The following TAFA1 variants were observed in gnomAD, a reference collection of about 807,000 sequenced individuals.
The protein encoded by TAFA1 is TAFA chemokine like family member 1, also known as chemokine-like protein TAFA-1.
In TAFA1, 4 loss-of-function variants were observed where a neutral mutation model predicts 18.5. That is an observed-to-expected ratio of 0.22 (90% CI 0.11 to 0.49). The LOEUF (loss-of-function observed/expected upper bound fraction) is 0.49, where lower values mean the gene tolerates loss of function less well. TAFA1 is among the 20% of genes least tolerant of loss of function. TAFA1 has a pLI of 0.98. For missense variants in TAFA1, 147 were observed against 169.0 expected (o/e 0.87, Z 0.72); for synonymous variants, 56 against 55.2 (o/e 1.01, Z -0.06).
chr3:68,469,650 G>A (rs368209638), intron 3 of TAFA1, among the ~76,000 whole-genome samples: 129 of 152,278 alleles, frequency 8.5e-4, no homozygotes, highest in Middle Eastern at 3.4e-3. Flanking sequence ...TCCAGCCTGG[G>A]CAAGAGAGTG....
chr3:68,505,657 A>G (rs2072735801), intron 3 of TAFA1, among the ~76,000 whole-genome samples: 2 of 151,990 alleles, frequency 1.3e-5, no homozygotes, highest in Admixed American at 1.3e-4. Context: ...TTGCAGATGT[A>G]TGACTGGGGA....
intron 2 of TAFA1, among the ~76,000 whole-genome samples, chr3:68,346,889 T>A (rs2069172308): frequency 6.6e-6 from 1 of 152,188 alleles, no homozygotes; most frequent in African/African-American, 2.4e-5. Flanking sequence ...TAGCAGAGGC[T>A]AGAGGGCTGA....
intron 3 of TAFA1, among the ~76,000 whole-genome samples, chr3:68,421,513 A>C (rs1458675873): frequency 2.6e-5 from 4 of 152,144 alleles, no homozygotes; most frequent in Non-Finnish European, 4.4e-5. Flanking sequence ...AATTTCATAT[A>C]CCTGGATGGA....
chr3:68,477,660 C>T (rs182895576), intron 3 of TAFA1, among the ~76,000 whole-genome samples: 44 of 152,156 alleles, frequency 2.9e-4, no homozygotes, highest in Non-Finnish European at 5.4e-4. Context: ...GGATTACAGG[C>T]GTAAACAGTG....
At chr3:68,080,824 G>C (rs921901864) in intron 2 of TAFA1, among the ~76,000 whole-genome samples, 2 of 152,056 alleles carry the variant, frequency 1.3e-5, no homozygotes, top group Non-Finnish European at 2.9e-5. Context: ...TACCTTTGTG[G>C]TGTTCTCTAT....
intron 2 of TAFA1, among the ~76,000 whole-genome samples, chr3:68,094,845 CAGAGA>C (rs1234302482): frequency 6.6e-6 from 1 of 152,096 alleles, no homozygotes; most frequent in African/African-American, 2.4e-5. Flanking sequence ...TGTGAAAAGT[CAGAGA>C]AGAGAAGGGA....
chr3:68,016,535 G>A (rs9818541), intron 2 of TAFA1, among the ~76,000 whole-genome samples: 108,098 of 152,016 alleles, frequency 0.71, 38,559 homozygotes, highest in East Asian at 0.81. Flanking sequence ...TCTGTACCCT[G>A]ATGTGCTATA....
intron 3 of TAFA1, among the ~76,000 whole-genome samples, chr3:68,492,317 T>C (rs1362882014): frequency 1.3e-5 from 2 of 152,126 alleles, no homozygotes; most frequent in Non-Finnish European, 1.5e-5. Flanking sequence ...GGTTGTTTTT[T>C]TGTTTTTTTT....
chr3:68,468,264 A>C (rs931884481), intron 3 of TAFA1, among the ~76,000 whole-genome samples: 2 of 152,166 alleles, frequency 1.3e-5, no homozygotes, highest in African/African-American at 4.8e-5. Flanking sequence ...ATAATATTAG[A>C]AGGTAAAAAA....
chr3:68,229,582 G>C lies in TAFA1; in HGVS notation c.119-187698G>C, dbSNP rs79376166. ...AGAAATGAGAAATGTGGAAACATAGGCTGGAACTGTAGCATGGCCAAGATG... is the reference window on the plus strand; with the variant it reads ...AGAAATGAGAAATGTGGAAACATAGCCTGGAACTGTAGCATGGCCAAGATG... On this transcript the variant is annotated intron_variant, in intron 2 of 4. Coordinates refer to ENST00000478136, the MANE Select transcript of TAFA1 (RefSeq NM_213609.4). Among the ~76,000 whole-genome samples the C allele has an allele frequency of 2.8e-4, 42 of 152,278 alleles. No individual in the cohort carries two copies. In the East Asian group the frequency reaches 8.1e-3, roughly 29 times the overall value.
chr3:68,460,206 G>C (rs1033023678), intron 3 of TAFA1, among the ~76,000 whole-genome samples: 9 of 151,984 alleles, frequency 5.9e-5, no homozygotes, highest in African/African-American at 2.2e-4. Flanking sequence ...AAAAGGGATG[G>C]GACAAAATAT....
chr3:68,199,140 T>G (rs1304356918), intron 2 of TAFA1, among the ~76,000 whole-genome samples: 1 of 151,554 alleles, frequency 6.6e-6, no homozygotes, highest in Admixed American at 6.6e-5. Flanking sequence ...CTTTCTCTAT[T>G]GTATTTCCTT....
intron 3 of TAFA1, among the ~76,000 whole-genome samples, chr3:68,477,706 C>T (rs893155301): frequency 6.6e-6 from 1 of 152,054 alleles, no homozygotes; most frequent in Non-Finnish European, 1.5e-5. Context: ...TTTTGGCAAA[C>T]ATATATAAAT....
At chr3:68,533,475 G>A (rs2106779360) in intron 3 of TAFA1, among the ~76,000 whole-genome samples, 1 of 152,274 alleles carries the variant, frequency 6.6e-6, no homozygotes, top group East Asian at 1.9e-4. Flanking sequence ...AATGAGATTT[G>A]GGTGGGCACA....
chr3:68,387,264 T>C (rs1449274491), intron 2 of TAFA1, among the ~76,000 whole-genome samples: 1 of 152,194 alleles, frequency 6.6e-6, no homozygotes, highest in East Asian at 1.9e-4. Context: ...GATCTGACAT[T>C]CTCTATGCTA....
intron 3 of TAFA1, among the ~76,000 whole-genome samples, chr3:68,516,910 A>T (rs2106741491): frequency 6.6e-6 from 1 of 152,198 alleles, no homozygotes; most frequent in African/African-American, 2.4e-5. Context: ...AGTAGCTGGG[A>T]CTACAGGCAT....
chr3:68,310,857 A>AT (rs530764429), intron 2 of TAFA1, among the ~76,000 whole-genome samples: 5 of 151,408 alleles, frequency 3.3e-5, no homozygotes, highest in Admixed American at 1.3e-4. Context: ...TATTCAGAGA[A>AT]TTTTTTTTTA....
At chr3:68,118,461 G>A (rs530200158) in intron 2 of TAFA1, among the ~76,000 whole-genome samples, 1 of 152,104 alleles carries the variant, frequency 6.6e-6, no homozygotes, top group Non-Finnish European at 1.5e-5. Context: ...AACAGGTAAC[G>A]GACTGGTACT....
chr3:68,408,954 A>C (rs2070662340), intron 2 of TAFA1, among the ~76,000 whole-genome samples: 1 of 152,224 alleles, frequency 6.6e-6, no homozygotes, highest in Admixed American at 6.5e-5. Context: ...AAACAGAAAA[A>C]AATTGTTGTC....
Sources: gnomAD v4.1 joint callset for allele counts (sites outside exome capture counted in the v4.1 genomes callset) on GRCh38, gnomAD v4.1.1 for gene constraint, MANE v1.5 for transcripts, NCBI Gene and HGNC (gene_info 2026-07-23, HGNC 2026-07-21) for gene names.